Variants in GRIK1 observed in about 807,000 individuals in gnomAD.
The protein encoded by GRIK1 is glutamate receptor ionotropic, kainate 1.
A neutral mutation model predicts 105.7 loss-of-function variants in GRIK1; 69 were observed. That is an observed-to-expected ratio of 0.65 (90% CI 0.54 to 0.80). The LOEUF (loss-of-function observed/expected upper bound fraction) is 0.80. Among genes scored for constraint, GRIK1 ranks in the 30% least tolerant of loss-of-function variants. The pLI is 0.00. For missense variants in GRIK1, 1,109 were observed against 1,167.3 expected (o/e 0.95, Z 0.73); for synonymous variants, 438 against 431.3 (o/e 1.02, Z -0.19).
At chr21:29,549,803 A>G (rs1446348665) in intron 16 of GRIK1, among the ~76,000 whole-genome samples, 2 of 152,054 alleles carry the variant, frequency 1.3e-5, no homozygotes, top group African/African-American at 4.8e-5. Context: ...AATCAGTATA[A>G]AGGGAGAAAG....
intron 7 of GRIK1, among the ~76,000 whole-genome samples, chr21:29,599,622 G>T (rs1164851758): frequency 2.0e-5 from 3 of 152,020 alleles, no homozygotes; most frequent in East Asian, 1.9e-4. Context: ...GTGGCTTCTG[G>T]CATTTCTCCT....
intron 14 of GRIK1, among the ~76,000 whole-genome samples, chr21:29,570,612 C>T (rs1360495843): frequency 6.6e-6 from 1 of 152,158 alleles, no homozygotes; most frequent in African/African-American, 2.4e-5. Flanking sequence ...GCCTCATATT[C>T]AGAGAAGAAT....
Position 29,588,921 on chromosome 21 carries a change from A to T in GRIK1, c.1487T>A (p.Val496Asp). Residue 496 changes from valine (V) to aspartate (D), a missense_variant, in exon 11 of 18, where the codon GTT becomes GAT. Coordinates refer to ENST00000327783, the MANE Select transcript of GRIK1 (RefSeq NM_001330994.2). ...ATATTTGCCATCGGGAACTAGTTTA[A>T]CATCATAAATGAAACCCAGGATGTT... ...LSNILGFIYD[V>D]KLVPDGKYGA... 1 of 1,609,000 alleles carries T rather than the reference A, an allele frequency of 6.2e-7. No individual in the cohort carries two copies. Among genetic ancestry groups the T allele is most frequent in the South Asian group, 1.1e-5 (1 of 90,966 alleles).
intron 1 of GRIK1, among the ~76,000 whole-genome samples, chr21:29,806,516 C>T (rs1021049179): frequency 6.6e-6 from 1 of 152,140 alleles, no homozygotes; most frequent in Non-Finnish European, 1.5e-5. Flanking sequence ...ATTTGACCCT[C>T]TCTTGCCTTA....
chr21:29,577,046 A>C lies in GRIK1; in HGVS notation c.2048T>G (p.Ile683Arg), dbSNP rs760063205. 6.2e-7 allele frequency: 1 copy of C among 1,613,642 alleles called. No individual in the cohort carries two copies. The highest frequency in any genetic ancestry group is 8.5e-7 in the Non-Finnish European group (1 of 1,179,608). Residue 683 changes from isoleucine to arginine, a missense_variant, in exon 14 of 18, where the codon ATA becomes AGA. By Grantham distance (97) the Ile-to-Arg change is moderately conservative. This residue lies in a region of GRIK1 where 264 missense variants were observed against 306.9 expected (regional missense o/e 0.86). Transcript: ENST00000327783. Reference protein sequence around the residue: ...FLTVERMESPIDSADDLAKQT... With the variant: ...FLTVERMESPRDSADDLAKQT... ...CTTTGCCAGATCATCTGCCGAATCTATGGGGGATTCCATTCTCTCTACTGT... is the reference window on the plus strand; with the variant it reads ...CTTTGCCAGATCATCTGCCGAATCTCTGGGGGATTCCATTCTCTCTACTGT...
chr21:29,716,809 A>G (rs1218336365), intron 1 of GRIK1, among the ~76,000 whole-genome samples: 2 of 152,260 alleles, frequency 1.3e-5, no homozygotes, highest in Admixed American at 6.5e-5. Flanking sequence ...CACTGCAGAA[A>G]TTTGAATCAG....
intron 1 of GRIK1, among the ~76,000 whole-genome samples, chr21:29,900,113 A>G (rs2070338826): frequency 6.6e-6 from 1 of 151,802 alleles, no homozygotes; most frequent in South Asian, 2.1e-4. Context: ...AATAAAAAGA[A>G]AAAGAGCTCC....
At chr21:29,745,161 A>G (rs1415050650) in intron 1 of GRIK1, among the ~76,000 whole-genome samples, 2 of 152,180 alleles carry the variant, frequency 1.3e-5, no homozygotes, top group African/African-American at 4.8e-5. Context: ...ATAAAACAAG[A>G]GAGTATGTTG....
chr21:29,548,461 G>C (rs1315294886), intron 16 of GRIK1, among the ~76,000 whole-genome samples: 3 of 152,106 alleles, frequency 2.0e-5, no homozygotes, highest in South Asian at 4.1e-4. Context: ...GTTTCCTAAA[G>C]GCAAGTTAAA....
At chr21:29,595,713 AG>A (rs761704028) in intron 9 of GRIK1, among the ~76,000 whole-genome samples, 21 of 152,222 alleles carry the variant, frequency 1.4e-4, no homozygotes, top group Admixed American at 2.0e-4. Context: ...TTTTAGAGAG[AG>A]AGAGACAGAG....
chr21:29,570,336 A>T (rs2090712022), intron 14 of GRIK1, among the ~76,000 whole-genome samples: 1 of 151,980 alleles, frequency 6.6e-6, no homozygotes, highest in Admixed American at 6.6e-5. Context: ...CCCTGTCTCT[A>T]CTAAAAATAA....
At chr21:29,686,199 A>G (rs894417420) in intron 3 of GRIK1, among the ~76,000 whole-genome samples, 2 of 152,230 alleles carry the variant, frequency 1.3e-5, no homozygotes, top group African/African-American at 2.4e-5. Context: ...CTTTGGTTAA[A>G]CAAATTTGCT....
chr21:29,899,668 T>G (rs2070320025), intron 1 of GRIK1, among the ~76,000 whole-genome samples: 1 of 152,042 alleles, frequency 6.6e-6, no homozygotes, highest in Admixed American at 6.6e-5. Flanking sequence ...TCAAGGGGAC[T>G]GATTATAGAG....
At chr21:29,660,935 T>C (rs1316707866) in intron 4 of GRIK1, among the ~76,000 whole-genome samples, 1 of 152,204 alleles carries the variant, frequency 6.6e-6, no homozygotes, top group Non-Finnish European at 1.5e-5. Context: ...TGATATCAAG[T>C]CTCCGAGCAG....
chr21:29,683,120 T>G (rs2063414442), intron 3 of GRIK1, among the ~76,000 whole-genome samples: 1 of 152,050 alleles, frequency 6.6e-6, no homozygotes, highest in Non-Finnish European at 1.5e-5. Flanking sequence ...TATTAAAAAG[T>G]CAAAAGACAC....
rs1018580712 is a variant in GRIK1, at chr21:29,581,433, A to G, written c.1904T>C (p.Met635Thr). 9 of 1,599,268 alleles carry G rather than the reference A, an allele frequency of 5.6e-6. No homozygotes were observed. The highest frequency in any genetic ancestry group is 4.5e-5 in the East Asian group (2 of 44,776). ...NSFWFGVGAL[M>T]QQGSELMPKA... The stretch of plus-strand genomic sequence containing the variant: ...ATAGGCAACCGGTGTACCTTGCTGC[A>G]TGAGAGCTCCAACTCCAAACCAGAA... The change falls in exon 13 of 18, where the codon ATG becomes ACG. Residue 635 changes from methionine to threonine, a missense_variant. This residue lies in a region of GRIK1 where 264 missense variants were observed against 306.9 expected (regional missense o/e 0.86). Coordinates refer to ENST00000327783, the MANE Select transcript of GRIK1 (RefSeq NM_001330994.2).
At chr21:29,787,834 T>C (rs1472198695) in intron 1 of GRIK1, among the ~76,000 whole-genome samples, 2 of 152,204 alleles carry the variant, frequency 1.3e-5, no homozygotes, top group Admixed American at 6.5e-5. Flanking sequence ...AAGTTATGCA[T>C]TTCTTTGGTA....
chr21:29,832,752 C>T (rs898505056), intron 1 of GRIK1, among the ~76,000 whole-genome samples: 1 of 152,180 alleles, frequency 6.6e-6, no homozygotes, highest in East Asian at 1.9e-4. Flanking sequence ...GGAGATGCTT[C>T]CTTCAAGGCA....
chr21:29,875,996 G>T (rs1179181663), intron 1 of GRIK1, among the ~76,000 whole-genome samples: 2 of 152,150 alleles, frequency 1.3e-5, no homozygotes, highest in African/African-American at 4.8e-5. Context: ...AGCTCCCACT[G>T]TTTCATGAAA....
Sources: allele counts gnomAD v4.1 joint callset (sites outside exome capture counted in the v4.1 genomes callset), GRCh38; gene constraint gnomAD v4.1.1; regional missense constraint gnomAD v4.1.1; transcripts MANE v1.5; gene names NCBI Gene and HGNC (gene_info 2026-07-23, HGNC 2026-07-21).